Variants in PLXDC2 observed in about 807,000 individuals in gnomAD.
The protein encoded by PLXDC2 is plexin domain-containing protein 2.
PLXDC2 carries 40 observed loss-of-function variants against 68.9 expected under a neutral mutation model. The ratio of observed to expected loss-of-function variants is 0.58; its 90% CI spans 0.45 to 0.76. The LOEUF is 0.76. Among genes scored for constraint, PLXDC2 ranks in the 30% least tolerant of loss-of-function variants. The probability of loss-of-function intolerance (pLI) is 0.00; values close to 1 mark genes in which losing one functional copy is unlikely to be tolerated. For missense variants in PLXDC2, 644 were observed against 661.9 expected (o/e 0.97, Z 0.30); for synonymous variants, 243 against 234.2 (o/e 1.04, Z -0.34).
intron 1 of PLXDC2, among the ~76,000 whole-genome samples, chr10:19,991,392 G>A (rs1834749324): frequency 1.5e-5 from 2 of 137,524 alleles, no homozygotes; most frequent in African/African-American, 2.8e-5. Context: ...TTTGAGGAAA[G>A]AAGCTAAATG....
At chr10:20,022,559 C>G (rs963979954) in intron 2 of PLXDC2, among the ~76,000 whole-genome samples, 1 of 152,048 alleles carries the variant, frequency 6.6e-6, no homozygotes, top group African/African-American at 2.4e-5. Flanking sequence ...GTAGCTTGAT[C>G]CTCAGAGCAC....
chr10:20,168,084 T>C (rs1589662684), intron 7 of PLXDC2, among the ~76,000 whole-genome samples: 1 of 152,086 alleles, frequency 6.6e-6, no homozygotes, highest in East Asian at 1.9e-4. Context: ...TGTTAGTAAA[T>C]TGATAAATCC....
chr10:19,944,411 CAA>C (rs59673960), intron 1 of PLXDC2, among the ~76,000 whole-genome samples: 11 of 131,436 alleles, frequency 8.4e-5, no homozygotes, highest in Admixed American at 1.6e-4. Context: ...GGTAACTTTT[CAA>C]AAAAAAAAAA....
intron 2 of PLXDC2, among the ~76,000 whole-genome samples, chr10:20,017,482 T>C (rs568147094): frequency 6.6e-6 from 1 of 152,346 alleles, no homozygotes; most frequent in South Asian, 2.1e-4. Context: ...CTTTCCATCT[T>C]CCTGAAGTAT....
chr10:20,125,158 A>T (rs995467990), intron 4 of PLXDC2, among the ~76,000 whole-genome samples: 5 of 151,742 alleles, frequency 3.3e-5, no homozygotes, highest in South Asian at 2.1e-4. Flanking sequence ...CCCCCTACCC[A>T]CACACCTGTT....
intron 12 of PLXDC2, among the ~76,000 whole-genome samples, chr10:20,226,113 C>T (rs1835282882): frequency 6.6e-6 from 1 of 152,172 alleles, no homozygotes; most frequent in African/African-American, 2.4e-5. Context: ...GTCCATTGGT[C>T]CTCACCTATA....
chr10:20,012,327 TTTTTTTTGG>T (rs1358041349), intron 2 of PLXDC2, among the ~76,000 whole-genome samples: 14 of 19,332 alleles, frequency 7.2e-4, no homozygotes, highest in Non-Finnish European at 1.8e-3. Flanking sequence ...TTTTTTTTTT[TTTTTTTTGG>T]AGAAGGAGAC....
chr10:19,854,061 G>C (rs978110512), intron 1 of PLXDC2, among the ~76,000 whole-genome samples: 1 of 152,052 alleles, frequency 6.6e-6, no homozygotes, highest in African/African-American at 2.4e-5. Flanking sequence ...TTGACCCCCC[G>C]GGGAGACTGC....
At chr10:19,888,927 C>G (rs984472624) in intron 1 of PLXDC2, among the ~76,000 whole-genome samples, 1 of 151,990 alleles carries the variant, frequency 6.6e-6, no homozygotes, top group Non-Finnish European at 1.5e-5. Context: ...GTGACTACCT[C>G]CAAAGGAATT....
chr10:20,158,973 A>C (rs1385818601), intron 6 of PLXDC2, among the ~76,000 whole-genome samples: 2 of 152,208 alleles, frequency 1.3e-5, no homozygotes, highest in Non-Finnish European at 2.9e-5. Context: ...GGCTTCTAGG[A>C]AAATATAAGT....
intron 1 of PLXDC2, among the ~76,000 whole-genome samples, chr10:19,966,474 T>TAA (rs1834265944): frequency 2.1e-5 from 1 of 48,174 alleles, no homozygotes. Flanking sequence ...CACACATAGA[T>TAA]GAGTAGACCA....
chr10:19,889,810 C>G (rs113453315), intron 1 of PLXDC2, among the ~76,000 whole-genome samples: 1 of 152,260 alleles, frequency 6.6e-6, no homozygotes, highest in South Asian at 2.1e-4. Context: ...CAGCAGGTAA[C>G]CCATATAATT....
intron 7 of PLXDC2, among the ~76,000 whole-genome samples, chr10:20,167,348 T>C (rs1279041435): frequency 1.3e-5 from 2 of 152,156 alleles, no homozygotes; most frequent in Non-Finnish European, 2.9e-5. Flanking sequence ...ATGCCAGAGA[T>C]TAGGATAACC....
chr10:20,270,277 G>T (rs899881047), intron 13 of PLXDC2, among the ~76,000 whole-genome samples: 7 of 152,116 alleles, frequency 4.6e-5, no homozygotes, highest in African/African-American at 7.2e-5. Flanking sequence ...TTTGCGTAAA[G>T]GTTTATATGT....
intron 13 of PLXDC2, among the ~76,000 whole-genome samples, chr10:20,258,302 G>A (rs61360467): frequency 0.28 from 41,743 of 151,672 alleles, 6,272 homozygotes; most frequent in African/African-American, 0.4. Flanking sequence ...TGCCTGCCCA[G>A]TTTTCTTTCT....
intron 13 of PLXDC2, among the ~76,000 whole-genome samples, chr10:20,261,279 G>T (rs1338106594): frequency 1.3e-5 from 2 of 152,124 alleles, no homozygotes; most frequent in Non-Finnish European, 2.9e-5. Context: ...CTATATCAAA[G>T]AACTTTTTCC....
chr10:19,841,901 T>G (rs1390459096), intron 1 of PLXDC2, among the ~76,000 whole-genome samples: 2 of 152,128 alleles, frequency 1.3e-5, no homozygotes, highest in African/African-American at 4.8e-5. Flanking sequence ...GTAAGTAGTA[T>G]TATGTACATT....
At chr10:19,880,925 T>TTTAA (rs1837714645) in intron 1 of PLXDC2, among the ~76,000 whole-genome samples, 3 of 152,208 alleles carry the variant, frequency 2.0e-5, no homozygotes, top group Non-Finnish European at 4.4e-5. Flanking sequence ...ATTATCTCAT[T>TTTAA]TTAATTTTCT....
In PLXDC2 at chr10:19,925,590, G is replaced by T. The variant is rs549640095; in HGVS notation, c.113-76185G>T. 1.1e-3 allele frequency among the ~76,000 whole-genome samples: 162 copies of T among 152,318 alleles called. 1 individual carries two copies. The highest frequency in any genetic ancestry group is 3.5e-3 in the African/African-American group (147 of 41,580). On this transcript the variant is annotated intron_variant, in intron 1 of 13. Coordinates refer to ENST00000377252, the MANE Select transcript of PLXDC2 (RefSeq NM_032812.9). ...ATGGAAAATAAAATGGGCAAATGCA[G>T]AATTCCTTTCCATTTTTTCCTATTG...
Sources: allele counts gnomAD v4.1 joint callset (sites outside exome capture counted in the v4.1 genomes callset), GRCh38; gene constraint gnomAD v4.1.1; transcripts MANE v1.5; gene names NCBI Gene and HGNC (gene_info 2026-07-23, HGNC 2026-07-21).